The following TMEM74 variants were observed in gnomAD, a reference collection of about 807,000 sequenced individuals.
TMEM74 encodes transmembrane protein 74.
TMEM74 carries 13 observed loss-of-function variants against 18.1 expected under a neutral mutation model. The observed-to-expected ratio is 0.72, with a 90% confidence interval of 0.47 to 1.14. The LOEUF (loss-of-function observed/expected upper bound fraction) is 1.14. Ranked by LOEUF, TMEM74 falls within the 50% of genes most tolerant of loss-of-function variation. The probability of loss-of-function intolerance (pLI) is 0.00; values close to 1 mark genes in which losing one functional copy is unlikely to be tolerated. For synonymous variants in TMEM74, 159 were observed against 146.6 expected (o/e 1.08, Z -0.61); for missense variants, 372 against 375.9 (o/e 0.99, Z 0.09).
At chr8:108,665,711 G>A (rs1399223875) in intron 1 of TMEM74, among the ~76,000 whole-genome samples, 1 of 152,020 alleles carries the variant, frequency 6.6e-6, no homozygotes, top group African/African-American at 2.4e-5. Flanking sequence ...GAGAGAAGAG[G>A]GTTGCAGAGT....
intron 1 of TMEM74, among the ~76,000 whole-genome samples, chr8:108,695,846 C>A (rs1053561248): frequency 3.3e-5 from 5 of 152,136 alleles, no homozygotes; most frequent in Non-Finnish European, 4.4e-5. Context: ...TTCAGTGATG[C>A]CCATCAGAAA....
intron 2 of TMEM74, among the ~76,000 whole-genome samples, chr8:108,619,217 A>G (rs1812414444): frequency 6.6e-6 from 1 of 152,234 alleles, no homozygotes; most frequent in African/African-American, 2.4e-5. Flanking sequence ...AATAAGTATT[A>G]GAAAATAAAA....
Position 108,682,976 on chromosome 8 carries a change from A to G in TMEM74, n.120-27539T>C, listed in dbSNP as rs1035966501. ...AATAAAGAAAAGACTGAAGAAAATGAAGCAAGAAAAAAGATATAGCTAAGG... is the reference window on the plus strand; with the variant it reads ...AATAAAGAAAAGACTGAAGAAAATGGAGCAAGAAAAAAGATATAGCTAAGG... On this transcript the variant is annotated intron_variant and non_coding_transcript_variant, in intron 1 of 3. Transcript: ENST00000518838. Among the ~76,000 whole-genome samples, 18 of 151,982 alleles carry G rather than the reference A, an allele frequency of 1.2e-4. 1 individual carries two copies. The highest frequency in any genetic ancestry group is 4.3e-4 in the African/African-American group (18 of 41,452).
chr8:108,622,408 G>C (rs1812453110), intron 2 of TMEM74, among the ~76,000 whole-genome samples: 1 of 152,076 alleles, frequency 6.6e-6, no homozygotes, highest in African/African-American at 2.4e-5. Context: ...GTGGGGATAG[G>C]AGGCTGACAC....
intron 1 of TMEM74, among the ~76,000 whole-genome samples, chr8:108,682,663 C>T (rs1308590701): frequency 1.3e-5 from 2 of 151,902 alleles, no homozygotes; most frequent in Admixed American, 6.6e-5. Context: ...CTCTATCCAC[C>T]TAGAGATTAT....
chr8:108,668,337 C>T (rs1812969792), intron 1 of TMEM74, among the ~76,000 whole-genome samples: 1 of 152,144 alleles, frequency 6.6e-6, no homozygotes, highest in African/African-American at 2.4e-5. Context: ...ATATTATCTG[C>T]AACATTTACC....
At chr8:108,688,667 C>T (rs1813195793) in intron 1 of TMEM74, among the ~76,000 whole-genome samples, 1 of 152,142 alleles carries the variant, frequency 6.6e-6, no homozygotes, top group Non-Finnish European at 1.5e-5. Context: ...AATGTTGGTT[C>T]ATTACTTTAA....
chr8:108,737,707 A>G (rs553725228), intron 1 of TMEM74, among the ~76,000 whole-genome samples: 7 of 152,164 alleles, frequency 4.6e-5, no homozygotes, highest in Non-Finnish European at 7.4e-5. Context: ...AGTACAGTAT[A>G]ATACAATACA....
intron 1 of TMEM74, among the ~76,000 whole-genome samples, chr8:108,698,023 GT>G (rs1052282203): frequency 6.6e-6 from 1 of 151,828 alleles, no homozygotes; most frequent in Non-Finnish European, 1.5e-5. Context: ...TGTTCATGTG[GT>G]TTTTTTTCCT....
chr8:108,631,982 C>T (rs1485855078), intron 2 of TMEM74, among the ~76,000 whole-genome samples: 1 of 151,978 alleles, frequency 6.6e-6, no homozygotes, highest in Admixed American at 6.6e-5. Flanking sequence ...GACATTAGAG[C>T]TTCAACCCAG....
chr8:108,780,806 CA>C lies in TMEM74; in HGVS notation c.*3374del, dbSNP rs531889673. 1.7e-4 allele frequency among the ~76,000 whole-genome samples: 26 copies of C among 152,250 alleles called. No individual in the cohort carries two copies. In the South Asian group the frequency reaches 2.5e-3, roughly 15 times the overall value. ...TCCTGTAAACTATAAATCACCTACA[CA>C]GTGGGGAGCATGACGAAAAGCTGTT... On this transcript the variant is annotated 3_prime_UTR_variant, in exon 2 of 2. Transcript: ENST00000297459.
At position 108,652,154 on chromosome 8, in the gene TMEM74, A is replaced by C. The variant is rs547895012; in HGVS notation, n.264+3139T>G. Among the ~76,000 whole-genome samples, 3 of 152,340 alleles carry C rather than the reference A, an allele frequency of 2.0e-5. No individual in the cohort carries two copies. The East Asian group carries it at 5.8e-4, about 29-fold the overall frequency. ...TTTCAATTTCACAACAAATCTAAGAAAAATGCAACAACAGGAAAATTAAAA... is the reference window on the plus strand; with the variant it reads ...TTTCAATTTCACAACAAATCTAAGACAAATGCAACAACAGGAAAATTAAAA... On this transcript the variant is annotated intron_variant and non_coding_transcript_variant, in intron 2 of 3. Coordinates refer to the TMEM74 transcript ENST00000518838.
intron 2 of TMEM74, among the ~76,000 whole-genome samples, chr8:108,614,771 C>T (rs537463227): frequency 4.6e-5 from 7 of 151,956 alleles, no homozygotes; most frequent in African/African-American, 7.3e-5. Context: ...ACATTTACTT[C>T]ACAGGAATAT....
In TMEM74 at chr8:108,643,739, C is replaced by A. The variant is rs1187463659; in HGVS notation, n.264+11554G>T. Reference sequence around the variant, plus strand: ...AGAAAACGAAAGCAAGAATGCATATCCCATTCACAATAGACAAAAGAAAAA... The same window carrying A: ...AGAAAACGAAAGCAAGAATGCATATACCATTCACAATAGACAAAAGAAAAA... On this transcript the variant is annotated intron_variant and non_coding_transcript_variant, in intron 2 of 3. Transcript: ENST00000518838. 2.0e-5 allele frequency among the ~76,000 whole-genome samples: 3 copies of A among 150,676 alleles called. No individual in the cohort carries two copies. In the South Asian group the frequency reaches 6.3e-4, roughly 32 times the overall value.
chr8:108,726,500 G>T (rs918480405), intron 1 of TMEM74, among the ~76,000 whole-genome samples: 1 of 152,180 alleles, frequency 6.6e-6, no homozygotes, highest in Non-Finnish European at 1.5e-5. Flanking sequence ...ATTGTGGAAT[G>T]CCAGTTTTAT....
chr8:108,652,765 T>A, intron 2 of TMEM74: 1 of 529,278 alleles, frequency 1.9e-6, no homozygotes, highest in South Asian at 1.9e-5. Context: ...GGACAAAGGC[T>A]GTGTATCAAT....
At chr8:108,747,141 G>A (rs774844801) in intron 1 of TMEM74, among the ~76,000 whole-genome samples, 8 of 152,088 alleles carry the variant, frequency 5.3e-5, no homozygotes, top group Non-Finnish European at 8.8e-5. Context: ...GTGGGACTGA[G>A]CCCTCAACCT....
chr8:108,763,007 A>G (rs1383937128), intron 1 of TMEM74, among the ~76,000 whole-genome samples: 1 of 152,200 alleles, frequency 6.6e-6, no homozygotes, highest in Non-Finnish European at 1.5e-5. Flanking sequence ...ATTATTAAAT[A>G]AATGAAAGCA....
intron 1 of TMEM74, among the ~76,000 whole-genome samples, chr8:108,731,863 T>C (rs557354412): frequency 5.6e-4 from 84 of 149,662 alleles, no homozygotes; most frequent in Middle Eastern, 3.5e-3. Flanking sequence ...CAAAAGGATC[T>C]ATAGCTCTTC....
Sources: allele counts gnomAD v4.1 joint callset (sites outside exome capture counted in the v4.1 genomes callset), GRCh38; gene constraint gnomAD v4.1.1; transcripts MANE v1.5; gene names NCBI Gene and HGNC (gene_info 2026-07-23, HGNC 2026-07-21).